IFNLR1: variants seen among roughly 807,000 people sequenced by gnomAD.
IFNLR1 encodes the protein interferon lambda receptor 1.
A neutral mutation model predicts 52.5 loss-of-function variants in IFNLR1; 28 were observed. The ratio of observed to expected loss-of-function variants is 0.53; its 90% confidence interval spans 0.40 to 0.73. The LOEUF is 0.73. IFNLR1 is among the 30% of genes least tolerant of loss of function. The probability of loss-of-function intolerance (pLI) is 0.00; values close to 1 mark genes in which losing one functional copy is unlikely to be tolerated. For missense variants in IFNLR1, 623 were observed against 659.1 expected, an observed-to-expected ratio of 0.95 and a Z score of 0.60; for synonymous variants, 276 against 274.9, an observed-to-expected ratio of 1.00 and a Z score of -0.04.
rs2148585742 is a variant in IFNLR1 at position 24,159,062 on chromosome 1, G to A, written c.791C>T (p.Pro264Leu). The change falls in exon 6 of 7, where the codon CCA becomes CTA. Residue 264 changes from proline (P) to leucine (L), a missense_variant. Coordinates refer to ENST00000327535, the MANE Select transcript of IFNLR1 (RefSeq NM_170743.4). ...CCAGATTTGCTATACCAGGGCCCGT[G>A]GCATCTTTGCCCGCTGAAACCAGGG... ...GNPWFQRAKM[P>L]RALDFSGHTH... 6.2e-7 allele frequency: 1 copy of A among 1,614,032 alleles called. No individual in the cohort carries two copies. Among genetic ancestry groups the A allele is most frequent in the South Asian group, 1.1e-5 (1 of 91,064 alleles).
chr1:24,180,094 C>T (rs542224827), intron 2 of IFNLR1, among the ~76,000 whole-genome samples: 3 of 152,142 alleles, frequency 2.0e-5, no homozygotes, highest in Non-Finnish European at 2.9e-5. Context: ...CTCAGGAGTT[C>T]GAGACCAGCG....
chr1:24,155,269 C>T lies in IFNLR1; in HGVS notation c.*1861G>A, dbSNP rs555349605. On this transcript the variant is annotated 3_prime_UTR_variant, in exon 7 of 7. Coordinates refer to ENST00000327535, the MANE Select transcript of IFNLR1 (RefSeq NM_170743.4). ...GAAGGCCTCCTGACCCTTAGAAATC[C>T]TGGCTGTGACCTTCATATTTTACTG... The T allele has an allele frequency of 4.3e-4, 65 of 152,432 alleles. No homozygotes were observed. The highest frequency in any genetic ancestry group is 1.5e-3 in the African/African-American group (63 of 41,568). 9.4% of individuals were successfully genotyped at this position (152,432 alleles called of 1,614,324 possible).
chr1:24,157,178 CTG>C lies in IFNLR1; in HGVS notation c.1513_1514del (p.Gln505GlufsTer26). On this transcript the variant is annotated frameshift_variant, in exon 7 of 7. Coordinates refer to ENST00000327535, the MANE Select transcript of IFNLR1 (RefSeq NM_170743.4). LOFTEE classifies it high-confidence loss of function. The surrounding 1 kb of genome is among the most constrained non-coding windows in gnomAD (Gnocchi z 5.1). ...DAGSWGAEST[Q>X]RTEDRGRTLG... ...ATGTCCGGCCCCTGTCCTCGGTCCT[CTG>C]GGTGCTCTCAGCCCCCCAGCTGCCC... The C allele has an allele frequency of 6.2e-7, 1 of 1,614,094 alleles. No individual in the cohort carries two copies. Among genetic ancestry groups the C allele is most frequent in the Non-Finnish European group, 8.5e-7 (1 of 1,180,008 alleles).
chr1:24,181,339 T>C (rs1312896724), intron 1 of IFNLR1, among the ~76,000 whole-genome samples: 1 of 152,192 alleles, frequency 6.6e-6, no homozygotes, highest in Non-Finnish European at 1.5e-5. Context: ...GCCTAGGCAT[T>C]AGAAGTAGAT....
chr1:24,154,469 A>G lies in IFNLR1; in HGVS notation c.*2661T>C, dbSNP rs1557637313. The G allele has an allele frequency of 6.6e-6, 1 of 152,192 alleles. No individual in the cohort carries two copies. Among genetic ancestry groups the G allele is most frequent in the Non-Finnish European group, 1.5e-5 (1 of 68,032 alleles). The allele number at this position is 152,192 out of a possible 1,614,324, so 9.4% of individuals were successfully genotyped here. A position where few individuals can be genotyped will look rare whatever the true frequency, so the allele number is the denominator to read the frequency against. The stretch of plus-strand genomic sequence containing the variant: ...CTGACCACACAAGGCAAATTATTAT[A>G]CTGATTATCATGCCCTTTCCAAATG... On this transcript the variant is annotated 3_prime_UTR_variant, in exon 7 of 7. Transcript: ENST00000327535.
At chr1:24,167,913 G>A (rs1285670238) in intron 3 of IFNLR1, among the ~76,000 whole-genome samples, 1 of 150,372 alleles carries the variant, frequency 6.7e-6, no homozygotes, top group Non-Finnish European at 1.5e-5. Context: ...TAGCCAGGAT[G>A]GTCTTGATCT....
intron 2 of IFNLR1, among the ~76,000 whole-genome samples, chr1:24,176,373 G>GT (rs1412369066): frequency 6.6e-6 from 1 of 152,222 alleles, no homozygotes; most frequent in Non-Finnish European, 1.5e-5. Context: ...ACTTTCTGGG[G>GT]TGATAGAGAA....
rs1201348675 is a variant in IFNLR1, at chr1:24,157,598, C to T, written c.1095G>A (p.Val365=). The change falls in exon 7 of 7, where the codon GTG becomes GTA. Residue 365 remains valine, a synonymous_variant. Coordinates refer to ENST00000327535, the MANE Select transcript of IFNLR1 (RefSeq NM_170743.4). This position sits in a 1 kb window ranked among gnomAD's most constrained non-coding sequence, Gnocchi z 5.1. ...QAPGHSEAGG[V]DSGRPRAPLV... Reference sequence around the variant, plus strand: ...GAGGAGCCCTGGGCCTCCCTGAGTCCACCCCACCAGCCTCCGAGTGCCCTG... The same window carrying T: ...GAGGAGCCCTGGGCCTCCCTGAGTCTACCCCACCAGCCTCCGAGTGCCCTG... 2 of 1,610,652 alleles carry T rather than the reference C, an allele frequency of 1.2e-6. No homozygotes were observed. Among genetic ancestry groups the T allele is most frequent in the Non-Finnish European group, 8.5e-7 (1 of 1,178,580 alleles).
At chr1:24,159,726 G>GTTTTTTTTTTTTTTGTTTTT in intron 4 of IFNLR1, 93 bp from the exon 5 acceptor site, 2 of 761,910 alleles carry the variant, frequency 2.6e-6, no homozygotes, top group Non-Finnish European at 2.0e-6. Context: ...ATGGTAGGGT[G>GTTTTTTTTTTTTTTGTTTTT]TTTTTTTTTT....
At chr1:24,167,264 T>C (rs906706128) in intron 3 of IFNLR1, among the ~76,000 whole-genome samples, 1 of 152,232 alleles carries the variant, frequency 6.6e-6, no homozygotes, top group Admixed American at 6.5e-5. Flanking sequence ...CCTTGGGCCT[T>C]CAGACTCAGA....
chr1:24,169,196 G>C (rs1644551869), intron 3 of IFNLR1, among the ~76,000 whole-genome samples: 1 of 152,182 alleles, frequency 6.6e-6, no homozygotes. Flanking sequence ...GAGATTGCTG[G>C]TGCTGGCTGG....
chr1:24,162,884 C>T (rs368671540), intron 3 of IFNLR1, among the ~76,000 whole-genome samples: 1,633 of 33,338 alleles, frequency 0.049, 88 homozygotes, highest in African/African-American at 0.062. Context: ...TCTTTCCTTC[C>T]TTCCTTCCTT....
Position 24,157,996 on chromosome 1 carries a change from T to C in IFNLR1, c.802-105A>G. 1 of 1,101,536 alleles carries C rather than the reference T, an allele frequency of 9.1e-7. No homozygotes were observed. The highest frequency in any genetic ancestry group is 1.3e-6 in the Non-Finnish European group (1 of 777,496). 68.2% of individuals were successfully genotyped at this position (1,101,536 alleles called of 1,614,324 possible). A position where few individuals can be genotyped will look rare whatever the true frequency, so the allele number is the denominator to read the frequency against. On this transcript the variant is annotated intron_variant, in intron 6 of 6. Coordinates refer to ENST00000327535, the MANE Select transcript of IFNLR1 (RefSeq NM_170743.4). The surrounding 1 kb of genome is among the most constrained non-coding windows in gnomAD (Gnocchi z 5.1). ...AACAGACCTCAGACAAGGCTTCAAG[T>C]GTAAGCAGTTTCTTTGGGAGATGAT...
chr1:24,161,498 T>A, intron 4 of IFNLR1, 44 bp downstream of exon 4: 1 of 1,551,120 alleles, frequency 6.4e-7, no homozygotes, highest in Admixed American at 2.0e-5. Context: ...TAAGAAGGGG[T>A]GGAGGAGCGG....
chr1:24,174,919 T>C (rs1477304130), intron 2 of IFNLR1, among the ~76,000 whole-genome samples: 2 of 151,760 alleles, frequency 1.3e-5, no homozygotes, highest in Non-Finnish European at 2.9e-5. Context: ...AGGTTGTGGC[T>C]AGAACAACCT....
In IFNLR1 at chr1:24,169,448, C is replaced by T; in HGVS notation, c.336G>A (p.Val112=). ...AAAGGTAATCCAGGTATTCGGACTC[C>T]ACCCAGGGGGACTTGGAGCTGGGAG... ...TVSPSSKSPW[V]ESEYLDYLFE... is the part of the protein sequence containing the mutation. The change falls in exon 3 of 7, where the codon GTG becomes GTA. Residue 112 remains valine (V), a synonymous_variant. Transcript: ENST00000327535. 6.2e-7 allele frequency: 1 copy of T among 1,614,206 alleles called. No homozygotes were observed. The highest frequency in any genetic ancestry group is 2.2e-5 in the East Asian group (1 of 44,890).
intron 1 of IFNLR1, among the ~76,000 whole-genome samples, chr1:24,184,088 C>T (rs894612306): frequency 6.6e-6 from 1 of 152,114 alleles, no homozygotes; most frequent in Non-Finnish European, 1.5e-5. Flanking sequence ...CCCACCACTC[C>T]TCCCTTGCTC....
At chr1:24,187,040 C>G (rs1644745795) in intron 1 of IFNLR1, 151 bp downstream of exon 1, 1 of 439,214 alleles carries the variant, frequency 2.3e-6, no homozygotes, top group East Asian at 3.6e-5. Flanking sequence ...TGGGAAGAAG[C>G]AAACTGGGGG....
chr1:24,180,702 CATCCA>C, intron 2 of IFNLR1, 24 bp downstream of exon 2: 5 of 1,572,608 alleles, frequency 3.2e-6, no homozygotes, highest in East Asian at 2.3e-5. Flanking sequence ...TCAGTCTTCC[CATCCA>C]CCAGCCGAGA....
Sources: allele counts gnomAD v4.1 joint callset (sites outside exome capture counted in the v4.1 genomes callset), GRCh38; gene constraint gnomAD v4.1.1; non-coding constraint Gnocchi (gnomAD v3.1); transcripts MANE v1.5; gene names NCBI Gene and HGNC (gene_info 2026-07-23, HGNC 2026-07-21).